The following FABP6 variants were observed in gnomAD, a reference collection of about 807,000 sequenced individuals.
The protein encoded by FABP6 is gastrotropin.
A neutral mutation model predicts 14.9 loss-of-function variants in FABP6; 13 were observed. That is an observed-to-expected ratio of 0.87 (90% CI 0.57 to 1.39). The LOEUF (loss-of-function observed/expected upper bound fraction) is 1.39. Ranked by LOEUF, FABP6 falls within the 40% of genes most tolerant of loss-of-function variation. FABP6 has a pLI of 0.00. For missense variants in FABP6, 161 were observed against 167.2 expected, an observed-to-expected ratio of 0.96 and a Z score of 0.20; for synonymous variants, 75 against 63.6, an observed-to-expected ratio of 1.18 and a Z score of -0.85.
At chr5:160,193,099 G>A (rs1038523779) in intron 1 of FABP6, among the ~76,000 whole-genome samples, 3 of 152,210 alleles carry the variant, frequency 2.0e-5, no homozygotes, top group African/African-American at 7.2e-5. Flanking sequence ...TGAAGCCACG[G>A]ACCCTTGCGG....
intron 1 of FABP6, chr5:160,198,169 A>G (rs370124719): frequency 6.6e-6 from 1 of 151,596 alleles, no homozygotes; most frequent in African/African-American, 2.4e-5. Context: ...AGCCCTGGGG[A>G]CCTGGGGCTA....
chr5:160,228,609 T>G (rs1760302366), upstream of FABP6: 1 of 450,690 alleles, frequency 2.2e-6, no homozygotes, highest in African/African-American at 2.0e-5. Flanking sequence ...GCTCTGAAGC[T>G]TGAACAAAAT....
chr5:160,210,023 C>G (rs1294264105), intron 2 of FABP6, among the ~76,000 whole-genome samples: 1 of 152,156 alleles, frequency 6.6e-6, no homozygotes, highest in Non-Finnish European at 1.5e-5. Context: ...TCAGGAGACC[C>G]GACGTGATCT....
chr5:160,190,309 C>T (rs967846363), intron 1 of FABP6, among the ~76,000 whole-genome samples: 5 of 151,684 alleles, frequency 3.3e-5, no homozygotes, highest in African/African-American at 9.7e-5. Context: ...CTCGGCTCAC[C>T]GCAACCTCCA....
intron 1 of FABP6, among the ~76,000 whole-genome samples, chr5:160,195,105 T>C (rs1203429014): frequency 6.6e-6 from 1 of 151,858 alleles, no homozygotes; most frequent in African/African-American, 2.4e-5. Flanking sequence ...GCCAACATGG[T>C]GAAACCCCGA....
chr5:160,189,275 C>G (rs534176758), intron 1 of FABP6, among the ~76,000 whole-genome samples: 3 of 152,084 alleles, frequency 2.0e-5, no homozygotes, highest in Non-Finnish European at 4.4e-5. Flanking sequence ...GAGTTTCACT[C>G]TTGTTGCCCA....
At chr5:160,214,582 T>A (rs1759975116) in intron 3 of FABP6, among the ~76,000 whole-genome samples, 1 of 150,904 alleles carries the variant, frequency 6.6e-6, no homozygotes, top group African/African-American at 2.4e-5. Flanking sequence ...CCAATGTGGC[T>A]GGCATGAGCC....
intron 1 of FABP6, among the ~76,000 whole-genome samples, 195 bp downstream of exon 1, chr5:160,229,819 CTTTTTT>C (rs1717421194): frequency 6.7e-6 from 1 of 148,550 alleles, no homozygotes; most frequent in Non-Finnish European, 1.5e-5. Flanking sequence ...CACTCTTTAA[CTTTTTT>C]ATTTTATTTT....
At chr5:160,210,817 G>A (rs1041565920) in intron 2 of FABP6, among the ~76,000 whole-genome samples, 1 of 152,218 alleles carries the variant, frequency 6.6e-6, no homozygotes, top group African/African-American at 2.4e-5. Context: ...TACAACGAGT[G>A]TCCTGCAGAA....
chr5:160,229,457 G>T, upstream of FABP6: 1 of 1,588,360 alleles, frequency 6.3e-7, no homozygotes, highest in South Asian at 1.1e-5. Flanking sequence ...TAGGGGCTGA[G>T]CCTCAGCAAC....
intron 3 of FABP6, among the ~76,000 whole-genome samples, chr5:160,236,758 G>A (rs1760525069): frequency 6.6e-6 from 1 of 151,698 alleles, no homozygotes; most frequent in Admixed American, 6.6e-5. Context: ...GATCACCTGA[G>A]GTCAGAAGTT....
At chr5:160,221,282 G>A (rs12657454) in intron 3 of FABP6, among the ~76,000 whole-genome samples, 61,105 of 151,612 alleles carry the variant, frequency 0.4, 12,513 homozygotes, top group Non-Finnish European at 0.43. Context: ...ACAAAGAGAA[G>A]GTACAGGCTC....
At chr5:160,205,620 G>T (rs1759746120) in intron 2 of FABP6, among the ~76,000 whole-genome samples, 1 of 152,192 alleles carries the variant, frequency 6.6e-6, no homozygotes, top group Non-Finnish European at 1.5e-5. Context: ...TTACCTTTGG[G>T]CTATGTGACC....
Position 160,207,817 on chromosome 5 carries a change from G to A in FABP6, c.52-5919G>A, listed in dbSNP as rs375122970. Among the ~76,000 whole-genome samples the A allele has an allele frequency of 1.4e-3, 212 of 150,938 alleles. 4 individuals carry two copies. Among genetic ancestry groups the A allele is most frequent in the Admixed American group, 2.0e-3 (30 of 15,046 alleles). The stretch of plus-strand genomic sequence containing the variant: ...CGGCTCACTGCAACCTCCGCCTCCC[G>A]GGTTCAAGCGCTTCTCCTGCCTCAG... On this transcript the variant is annotated intron_variant, in intron 2 of 6. Transcript: ENST00000393980.
rs138725856 is a variant in FABP6 at position 160,223,359 on chromosome 5, TTCTTTCCCTCCCTCCCTCCCTCCCTCTC to T, written c.136-6184_136-6157del. 1.2e-3 allele frequency among the ~76,000 whole-genome samples: 106 copies of T among 86,942 alleles called. 1 individual carries two copies. Among genetic ancestry groups the T allele is most frequent in the Middle Eastern group, 0.01 (2 of 198 alleles). The allele number at this position is 86,942 out of a possible 152,430, so 57.0% of individuals were successfully genotyped here. ...CTTCCTTCCTTCCTTCCTTCCTTCC[TTCTTTCCCTCCCTCCCTCCCTCCCTCTC>T]TCCTTCCTTCCTTCCTTCCTTCCTT... On this transcript the variant is annotated intron_variant, in intron 3 of 6. Transcript: ENST00000393980.
At chr5:160,236,520 G>A (rs1760520109) in intron 3 of FABP6, among the ~76,000 whole-genome samples, 1 of 152,124 alleles carries the variant, frequency 6.6e-6, no homozygotes, top group African/African-American at 2.4e-5. Context: ...TTACAGAGCA[G>A]CATTACAAGG....
At chr5:160,230,507 T>C (rs905207430) in intron 1 of FABP6, among the ~76,000 whole-genome samples, 2 of 152,084 alleles carry the variant, frequency 1.3e-5, no homozygotes, top group African/African-American at 4.8e-5. Flanking sequence ...ACTACAGGCA[T>C]GTGCCACCAC....
At chr5:160,227,318 CA>C (rs773403368), upstream of FABP6, among the ~76,000 whole-genome samples, 6 of 151,928 alleles carry the variant, frequency 3.9e-5, no homozygotes, top group Non-Finnish European at 5.9e-5. Context: ...GCGGATCATC[CA>C]AGTTCAGGAG....
chr5:160,224,108 C>T (rs911193059), intron 3 of FABP6, among the ~76,000 whole-genome samples: 2 of 151,834 alleles, frequency 1.3e-5, no homozygotes, highest in Non-Finnish European at 2.9e-5. Context: ...TGGTGGTGGG[C>T]GCCTGTAGTC....
Sources: allele counts gnomAD v4.1 joint callset (sites outside exome capture counted in the v4.1 genomes callset), GRCh38; gene constraint gnomAD v4.1.1; transcripts MANE v1.5; gene names NCBI Gene and HGNC (gene_info 2026-07-23, HGNC 2026-07-21).